HACE1: variants seen among roughly 807,000 people sequenced by gnomAD.
HACE1 encodes E3 ubiquitin-protein ligase HACE1.
A neutral mutation model predicts 118.4 loss-of-function variants in HACE1; 73 were observed. The observed-to-expected ratio is 0.62, with a 90% CI of 0.51 to 0.75. The LOEUF (loss-of-function observed/expected upper bound fraction) is 0.75. HACE1 is among the 30% of genes least tolerant of loss of function. The pLI, the probability that HACE1 is intolerant of heterozygous loss-of-function variation, is 0.00. For synonymous variants in HACE1, 368 were observed against 374.8 expected, an observed-to-expected ratio of 0.98 and a Z score of 0.21; for missense variants, 749 against 1,102.2, an observed-to-expected ratio of 0.68 and a Z score of 4.54.
At chr6:104,741,763 C>G (rs1436637527) in intron 22 of HACE1, among the ~76,000 whole-genome samples, 2 of 148,852 alleles carry the variant, frequency 1.3e-5, no homozygotes, top group Non-Finnish European at 3.0e-5. Context: ...TCAATGCCAT[C>G]CCCATCAAGC....
chr6:104,778,851 T>C (rs905918647), intron 14 of HACE1, among the ~76,000 whole-genome samples: 1 of 151,978 alleles, frequency 6.6e-6, no homozygotes, highest in African/African-American at 2.4e-5. Context: ...AGATAGAACT[T>C]ATGAATAGAA....
intron 12 of HACE1, 136 bp from the exon 13 acceptor site, chr6:104,784,621 A>G: frequency 1.5e-6 from 1 of 648,658 alleles, no homozygotes; most frequent in Non-Finnish European, 2.7e-6. Flanking sequence ...TCTTCTTTGT[A>G]AGTTTAGGAA....
rs1780653089 is a variant in HACE1 at position 104,771,904 on chromosome 6, GAAAT to G, written c.2014+17_2014+20del. The G allele has an allele frequency of 5.3e-6, 8 of 1,513,044 alleles. No homozygotes were observed. Among genetic ancestry groups the G allele is most frequent in the Non-Finnish European group, 7.3e-6 (8 of 1,089,102 alleles). The allele number at this position is 1,513,044 out of a possible 1,614,324, so 93.7% of individuals were successfully genotyped here. A position where few individuals can be genotyped will look rare whatever the true frequency, so the allele number is the denominator to read the frequency against. On this transcript the variant is annotated intron_variant, in intron 18 of 23. Coordinates refer to ENST00000262903, the MANE Select transcript of HACE1 (RefSeq NM_020771.4). ...AAAACAATATAAATAAATGTCTGCA[GAAAT>G]AATAATAGAGCCATACCAAGAATGT...
chr6:104,818,366 G>C (rs1772331318), intron 6 of HACE1, among the ~76,000 whole-genome samples: 1 of 151,984 alleles, frequency 6.6e-6, no homozygotes, highest in Admixed American at 6.6e-5. Context: ...TAGCAACGGT[G>C]TTCACTACTG....
Position 104,784,851 on chromosome 6 carries a change from GTA to G in HACE1, c.1409+132_1409+133del, listed in dbSNP as rs575602749. 3.9e-4 allele frequency: 261 copies of G among 671,694 alleles called. No individual in the cohort carries two copies. In the African/African-American group the frequency reaches 4.5e-3, roughly 12 times the overall value. The allele number at this position is 671,694 out of a possible 1,614,324, so 41.6% of individuals were successfully genotyped here. On this transcript the variant is annotated intron_variant, in intron 12 of 23. Transcript: ENST00000262903. ...AATATTCCCTACTAGATCTAGATTA[GTA>G]TGAGTATCTTAAAACAAGGAGAAAA...
intron 5 of HACE1, among the ~76,000 whole-genome samples, chr6:104,840,540 T>TGAGA (rs1208224371): frequency 2.0e-5 from 3 of 152,136 alleles, no homozygotes; most frequent in African/African-American, 7.2e-5. Flanking sequence ...TTAAAATAGC[T>TGAGA]GAGAGAGGCC....
At position 104,729,524 on chromosome 6, in the gene HACE1, C is replaced by G; in HGVS notation, c.*138G>C. ...AAGGGAAAAGAGAGAAACAGAAAACCTGATGATCCTTTATAAATTGGAAGC... is the reference window on the plus strand; with the variant it reads ...AAGGGAAAAGAGAGAAACAGAAAACGTGATGATCCTTTATAAATTGGAAGC... On this transcript the variant is annotated 3_prime_UTR_variant, in exon 24 of 24. Coordinates refer to ENST00000262903, the MANE Select transcript of HACE1 (RefSeq NM_020771.4). 1.5e-6 allele frequency: 1 copy of G among 677,908 alleles called. No homozygotes were observed. Among genetic ancestry groups the G allele is most frequent in the Admixed American group, 2.2e-5 (1 of 45,570 alleles). 42.0% of individuals were successfully genotyped at this position (677,908 alleles called of 1,614,324 possible).
At chr6:104,855,353 G>A (rs1205417834) in intron 1 of HACE1, among the ~76,000 whole-genome samples, 1 of 152,010 alleles carries the variant, frequency 6.6e-6, no homozygotes, top group East Asian at 1.9e-4. Flanking sequence ...CGAGGTAGGA[G>A]AATGGCGTGA....
chr6:104,774,337 G>A (rs1448976897), intron 17 of HACE1, among the ~76,000 whole-genome samples: 2 of 107,798 alleles, frequency 1.9e-5, no homozygotes, highest in Admixed American at 8.9e-5. Context: ...TGATCCGCCC[G>A]CCTCGGCCTC....
At chr6:104,849,345 C>A in intron 3 of HACE1, 99 bp from the exon 4 acceptor site, 5 of 821,844 alleles carry the variant, frequency 6.1e-6, no homozygotes, top group East Asian at 2.6e-5. Flanking sequence ...ACACAATTTT[C>A]TTTTTGTTTT....
chr6:104,737,819 G>A (rs1007409360), intron 22 of HACE1, among the ~76,000 whole-genome samples: 1 of 152,210 alleles, frequency 6.6e-6, no homozygotes, highest in Admixed American at 6.5e-5. Flanking sequence ...ACTGGGTGGA[G>A]CCCACCACAG....
chr6:104,845,096 T>C (rs1775518519), intron 4 of HACE1, among the ~76,000 whole-genome samples: 1 of 152,064 alleles, frequency 6.6e-6, no homozygotes, highest in Non-Finnish European at 1.5e-5. Flanking sequence ...AATATAGTAG[T>C]AATGTAATAT....
chr6:104,778,232 T>A (rs574066705), intron 14 of HACE1, among the ~76,000 whole-genome samples: 2 of 152,180 alleles, frequency 1.3e-5, no homozygotes, highest in Non-Finnish European at 2.9e-5. Flanking sequence ...CTGTGAGTTA[T>A]CTACAATTTT....
intron 1 of HACE1, among the ~76,000 whole-genome samples, chr6:104,855,183 G>A (rs540662100): frequency 1.1e-3 from 165 of 152,200 alleles, no homozygotes; most frequent in Non-Finnish European, 2.0e-3. Context: ...AGTGGCTCAC[G>A]CCTGTAATCC....
chr6:104,811,554 C>T (rs1462465697), intron 6 of HACE1, among the ~76,000 whole-genome samples, 161 bp from the exon 7 acceptor site: 1 of 151,972 alleles, frequency 6.6e-6, no homozygotes, highest in Non-Finnish European at 1.5e-5. Context: ...GCAAATTCAA[C>T]TTTTTGTAAG....
chr6:104,739,215 C>T (rs922423484), intron 22 of HACE1, among the ~76,000 whole-genome samples: 1 of 152,084 alleles, frequency 6.6e-6, no homozygotes, highest in East Asian at 1.9e-4. Context: ...CAAAATCATG[C>T]CAAAATGTAA....
chr6:104,760,286 G>C (rs939333785), intron 19 of HACE1, among the ~76,000 whole-genome samples: 1 of 152,092 alleles, frequency 6.6e-6, no homozygotes, highest in Non-Finnish European at 1.5e-5. Flanking sequence ...GAAAATCAAT[G>C]CAAAAATACT....
At chr6:104,793,895 A>G (rs770060186) in intron 10 of HACE1, among the ~76,000 whole-genome samples, 7 of 152,238 alleles carry the variant, frequency 4.6e-5, no homozygotes, top group Non-Finnish European at 1.0e-4. Context: ...ATAAGATTCT[A>G]TAAAGCACTT....
At chr6:104,741,708 T>A (rs966342817) in intron 22 of HACE1, among the ~76,000 whole-genome samples, 47 of 149,396 alleles carry the variant, frequency 3.1e-4, no homozygotes, top group Admixed American at 7.4e-4. Context: ...GTAGGAAGAA[T>A]CATTATCGTG....
Sources: gnomAD v4.1 joint callset for allele counts (sites outside exome capture counted in the v4.1 genomes callset) on GRCh38, gnomAD v4.1.1 for gene constraint, MANE v1.5 for transcripts, NCBI Gene and HGNC (gene_info 2026-07-23, HGNC 2026-07-21) for gene names.